Variants in GALK2 observed in about 807,000 individuals in gnomAD.
GALK2 encodes N-acetylgalactosamine kinase.
Under a neutral mutation model 52.4 loss-of-function variants are expected in GALK2, and 36 were observed. The observed-to-expected ratio is 0.69, with a 90% CI of 0.53 to 0.91. The LOEUF (loss-of-function observed/expected upper bound fraction) is 0.91, where lower values mean the gene tolerates loss of function less well. Ranked by LOEUF, GALK2 falls within the 40% of genes least tolerant of loss-of-function variation. GALK2 has a pLI of 0.00. For synonymous variants in GALK2, 176 were observed against 199.1 expected (o/e 0.88, Z 0.98); for missense variants, 579 against 559.1 (o/e 1.04, Z -0.36).
At chr15:49,213,317 GT>G (rs1455243466) in intron 2 of GALK2, among the ~76,000 whole-genome samples, 1 of 151,938 alleles carries the variant, frequency 6.6e-6, no homozygotes, top group East Asian at 1.9e-4. Flanking sequence ...CTCTCGTTTG[GT>G]TTTCATTTGT....
In GALK2 at chr15:49,292,494, G is replaced by A. The variant is rs752745507; in HGVS notation, c.924G>A (p.Leu308=). ...TCTGCAGGTGTCTGGGAATTAGCCT[G>A]GAGGAACTCCGAACCCAAATCCTGA... ...EEICRCLGIS[L]EELRTQILSP... is the part of the protein sequence containing the mutation. Residue 308 remains leucine, a synonymous_variant, in exon 8 of 10, where the codon CTG becomes CTA. Coordinates refer to ENST00000560031, the MANE Select transcript of GALK2 (RefSeq NM_002044.4). 3 of 1,614,024 alleles carry A rather than the reference G, an allele frequency of 1.9e-6. No individual in the cohort carries two copies. The highest frequency in any genetic ancestry group is 2.5e-6 in the Non-Finnish European group (3 of 1,179,976).
At chr15:49,335,335 ACTTAGTTTAGATGATTTCT>A, downstream of GALK2, 1 of 856,918 alleles carries the variant, frequency 1.2e-6, no homozygotes, top group Non-Finnish European at 1.9e-6. Flanking sequence ...TCATTAAGGA[ACTTAGTTTAGATGATTTCT>A]CTGATTGTTT....
At chr15:49,238,729 C>T (rs2090953716) in intron 4 of GALK2, among the ~76,000 whole-genome samples, 1 of 152,100 alleles carries the variant, frequency 6.6e-6, no homozygotes, top group Non-Finnish European at 1.5e-5. Context: ...AGAGAACCTT[C>T]TAAAGTAAGG....
In GALK2 at chr15:49,329,162, G is replaced by A. The variant is rs189368783; in HGVS notation, c.*1003G>A. 3.3e-5 allele frequency: 33 copies of A among 987,420 alleles called. No homozygotes were observed. The African/African-American group carries it at 5.4e-4, about 16-fold the overall frequency. The allele number at this position is 987,420 out of a possible 1,614,324, so 61.2% of individuals were successfully genotyped here. A position where few individuals can be genotyped will look rare whatever the true frequency, so the allele number is the denominator to read the frequency against. Reference sequence around the variant, plus strand: ...ACCCCATTGTAAAGCAGGTATGCAGGTATGTGGGTGAAAGTGACTATGAAA... The same window carrying A: ...ACCCCATTGTAAAGCAGGTATGCAGATATGTGGGTGAAAGTGACTATGAAA... On this transcript the variant is annotated 3_prime_UTR_variant, in exon 10 of 10. Coordinates refer to ENST00000560031, the MANE Select transcript of GALK2 (RefSeq NM_002044.4).
intron 3 of GALK2, among the ~76,000 whole-genome samples, chr15:49,355,857 T>A (rs2043066603): frequency 1.3e-5 from 2 of 152,078 alleles, no homozygotes. Context: ...CGGGTCACCC[T>A]CAAAGGGAAG....
At position 49,255,602 on chromosome 15, in the gene GALK2, A is replaced by G. The variant is rs1219545747; in HGVS notation, c.504+16235A>G. Among the ~76,000 whole-genome samples, 9 of 150,558 alleles carry G rather than the reference A, an allele frequency of 6.0e-5. 1 individual carries two copies. Among genetic ancestry groups the G allele is most frequent in the African/African-American group, 2.2e-4 (9 of 41,196 alleles). On this transcript the variant is annotated intron_variant, in intron 5 of 9. Coordinates refer to ENST00000560031, the MANE Select transcript of GALK2 (RefSeq NM_002044.4). ...TGTCCTTCTTGGTGAATTGCATCAC[A>G]TGGTTTCTGTTTCTCCAATTGTACT...
chr15:49,186,441 T>G (rs1369308901), intron 1 of GALK2, among the ~76,000 whole-genome samples: 2 of 152,132 alleles, frequency 1.3e-5, no homozygotes, highest in African/African-American at 4.8e-5. Flanking sequence ...AGTGTTTCAC[T>G]CTAGAATTTC....
Position 49,331,345 on chromosome 15 carries a change from T to C in GALK2, c.*3186T>C, listed in dbSNP as rs1411517410. The C allele has an allele frequency of 1.3e-5, 2 of 154,144 alleles. No individual in the cohort carries two copies. The allele number at this position is 154,144 out of a possible 1,614,324, so 9.5% of individuals were successfully genotyped here. A position where few individuals can be genotyped will look rare whatever the true frequency, so the allele number is the denominator to read the frequency against. ...ATCAGAAAGATGGAACAGGCTCCTT[T>C]CTTTTCTTTCTTTCTCATACTTGAG... On this transcript the variant is annotated 3_prime_UTR_variant, in exon 10 of 10. Transcript: ENST00000560031.
intron 2 of GALK2, among the ~76,000 whole-genome samples, chr15:49,214,256 TAAAA>T (rs985029654): frequency 2.7e-5 from 4 of 149,092 alleles, no homozygotes; most frequent in African/African-American, 9.9e-5. Flanking sequence ...ACAATGAAAA[TAAAA>T]AAGAAATCAG....
In GALK2 at chr15:49,287,248, A is replaced by T. The variant is rs2033468480; in HGVS notation, c.756+3530A>T. Among the ~76,000 whole-genome samples, 5 of 152,180 alleles carry T rather than the reference A, an allele frequency of 3.3e-5. No homozygotes were observed. In the South Asian group the frequency reaches 1.0e-3, roughly 31 times the overall value. The stretch of plus-strand genomic sequence containing the variant: ...GCATCTGAATTTGGCTTTTTGCTAC[A>T]CACTCCTCCCAATTGACGTAGATAA... On this transcript the variant is annotated intron_variant, in intron 7 of 9. Coordinates refer to ENST00000560031, the MANE Select transcript of GALK2 (RefSeq NM_002044.4).
intron 5 of GALK2, among the ~76,000 whole-genome samples, chr15:49,280,401 A>T (rs1308197651): frequency 6.6e-6 from 1 of 152,190 alleles, no homozygotes; most frequent in Admixed American, 6.5e-5. Flanking sequence ...ATGGAAAATC[A>T]TATTTGTAAA....
intron 3 of GALK2, among the ~76,000 whole-genome samples, chr15:49,231,897 A>G (rs984190488): frequency 6.6e-6 from 1 of 152,208 alleles, no homozygotes; most frequent in African/African-American, 2.4e-5. Context: ...GGCTGCTTTC[A>G]TGGGCTAGTG....
At chr15:49,165,231 C>T (rs1395189306) in intron 1 of GALK2, among the ~76,000 whole-genome samples, 1 of 152,020 alleles carries the variant, frequency 6.6e-6, no homozygotes, top group Non-Finnish European at 1.5e-5. Flanking sequence ...TTTCAGATGG[C>T]CTTAAAGACA....
chr15:49,365,063 A>C, intron 3 of GALK2: 1 of 563,598 alleles, frequency 1.8e-6, no homozygotes, highest in South Asian at 2.6e-5. Flanking sequence ...AAATCAATTT[A>C]AAAAGTCAAA....
intron 5 of GALK2, among the ~76,000 whole-genome samples, chr15:49,272,394 G>A (rs1483618570): frequency 6.6e-6 from 1 of 152,094 alleles, no homozygotes; most frequent in Non-Finnish European, 1.5e-5. Flanking sequence ...TTGTCATGTA[G>A]GAAATCATTT....
At chr15:49,225,377 A>G in intron 3 of GALK2, 1 of 382,394 alleles carries the variant, frequency 2.6e-6, no homozygotes, top group Non-Finnish European at 5.2e-6. Flanking sequence ...GAGCATTATT[A>G]CCACCTGAGC....
intron 3 of GALK2, chr15:49,366,095 T>G (rs1037606104): frequency 6.7e-6 from 6 of 898,830 alleles, no homozygotes; most frequent in Non-Finnish European, 1.1e-5. Flanking sequence ...TGCTTTCAAG[T>G]TTTCCAATTC....
rs148443995 is a variant in GALK2 at position 49,211,442 on chromosome 15, A to G, written c.143-5748A>G. On this transcript the variant is annotated intron_variant, in intron 2 of 9. Coordinates refer to ENST00000560031, the MANE Select transcript of GALK2 (RefSeq NM_002044.4). ...TCCTATCTTTTTTCTGAGCCCTCCA[A>G]ACTGTTCCAACCTCTGCCACTTACC... is the stretch of plus-strand genomic sequence containing the variant. Among the ~76,000 whole-genome samples the G allele has an allele frequency of 1.7e-3, 266 of 152,244 alleles. 5 individuals carry two copies. The East Asian group carries it at 0.047, about 27-fold the overall frequency.
At chr15:49,177,540 T>C (rs931727178) in intron 1 of GALK2, 5 of 166,206 alleles carry the variant, frequency 3.0e-5, no homozygotes, top group African/African-American at 1.2e-4. Flanking sequence ...ATAATACTTG[T>C]AAGCAGACAT....
Sources: allele counts gnomAD v4.1 joint callset (sites outside exome capture counted in the v4.1 genomes callset), GRCh38; gene constraint gnomAD v4.1.1; transcripts MANE v1.5; gene names NCBI Gene and HGNC (gene_info 2026-07-23, HGNC 2026-07-21).